PTPN12: variants seen among roughly 807,000 people sequenced by gnomAD.
The protein encoded by PTPN12 is tyrosine-protein phosphatase non-receptor type 12.
A neutral mutation model predicts 97.6 loss-of-function variants in PTPN12; 29 were observed. The observed-to-expected ratio is 0.30, with a 90% CI of 0.22 to 0.41. PTPN12 has a LOEUF of 0.41. PTPN12 is among the 10% of genes least tolerant of loss of function. The pLI, the probability that PTPN12 is intolerant of heterozygous loss-of-function variation, is 1.00. For synonymous variants in PTPN12, 327 were observed against 300.4 expected (o/e 1.09, Z -0.91); for missense variants, 819 against 926.0 (o/e 0.88, Z 1.50).
intron 3 of PTPN12, 146 bp downstream of exon 3, chr7:77,581,649 A>G: frequency 2.2e-6 from 1 of 449,076 alleles, no homozygotes; most frequent in East Asian, 3.6e-5. Context: ...CAATGTTTTT[A>G]TATGCTTTCC....
chr7:77,637,232 T>C (rs1037235895), intron 16 of PTPN12, among the ~76,000 whole-genome samples, 184 bp downstream of exon 16: 1 of 152,218 alleles, frequency 6.6e-6, no homozygotes. Context: ...CACCAGATAG[T>C]AGTATTGATC....
intron 8 of PTPN12, among the ~76,000 whole-genome samples, chr7:77,604,213 T>A (rs1449494076): frequency 4.6e-5 from 5 of 109,488 alleles, no homozygotes; most frequent in Non-Finnish European, 7.5e-5. Flanking sequence ...TTCTTCCTTT[T>A]TTTTTTTTTT....
Position 77,635,775 on chromosome 7 carries a change from T to C in PTPN12, c.2075-7T>C. 6.3e-7 allele frequency: 1 copy of C among 1,579,754 alleles called. No individual in the cohort carries two copies. The highest frequency in any genetic ancestry group is 1.2e-5 in the South Asian group (1 of 85,022). ...TGTTAATAACAATAAGATTTCATTT[T>C]TCTCAGATACACCTGTAAGATCGGA... On this transcript the variant is annotated splice_polypyrimidine_tract_variant and splice_region_variant and intron_variant, in intron 14 of 17. Coordinates refer to ENST00000248594, the MANE Select transcript of PTPN12 (RefSeq NM_002835.4).
intron 12 of PTPN12, among the ~76,000 whole-genome samples, chr7:77,622,737 C>G (rs1362709759): frequency 6.6e-6 from 1 of 151,376 alleles, no homozygotes; most frequent in African/African-American, 2.4e-5. Flanking sequence ...CGCCACTGCT[C>G]TCCAGCCTGG....
chr7:77,629,933 C>G (rs1420706318), intron 13 of PTPN12, among the ~76,000 whole-genome samples: 2 of 134,258 alleles, frequency 1.5e-5, no homozygotes, highest in African/African-American at 5.7e-5. Context: ...GAGGGAGACC[C>G]TGTCTCAAAA....
Position 77,618,666 on chromosome 7 carries a change from CT to C in PTPN12, c.1025+105del, listed in dbSNP as rs148862765. On this transcript the variant is annotated intron_variant, in intron 12 of 17. Coordinates refer to ENST00000248594, the MANE Select transcript of PTPN12 (RefSeq NM_002835.4). ...GAATATTTCTAAATTACTTTTATAA[CT>C]TTTATTATTATTTTGTTAGGATGTA... 3,532 of 784,040 alleles carry C rather than the reference CT, an allele frequency of 4.5e-3. 89 individuals are homozygous for C. The African/African-American group carries it at 0.057, about 13-fold the overall frequency. 48.6% of individuals were successfully genotyped at this position (784,040 alleles called of 1,614,324 possible).
At chr7:77,591,942 T>G (rs1467387087) in intron 5 of PTPN12, among the ~76,000 whole-genome samples, 1 of 152,174 alleles carries the variant, frequency 6.6e-6, no homozygotes, top group Non-Finnish European at 1.5e-5. Flanking sequence ...ACCTGGCAGA[T>G]AGCAATGAAC....
intron 15 of PTPN12, among the ~76,000 whole-genome samples, chr7:77,636,442 CG>C (rs1397948836): frequency 6.6e-6 from 1 of 151,826 alleles, no homozygotes; most frequent in Non-Finnish European, 1.5e-5. Context: ...ATTAGCCAGG[CG>C]TGGTGGCGCA....
rs147719970 is a variant in PTPN12 at position 77,629,008 on chromosome 7, G to C, written c.1996+1333G>C. 8.8e-3 allele frequency among the ~76,000 whole-genome samples: 1,343 copies of C among 152,264 alleles called. 6 individuals carry two copies. The highest frequency in any genetic ancestry group is 0.013 in the Non-Finnish European group (870 of 68,026). On this transcript the variant is annotated intron_variant, in intron 13 of 17. Coordinates refer to ENST00000248594, the MANE Select transcript of PTPN12 (RefSeq NM_002835.4). ...CTTGTTGCCCAGGCTGAAGTGCAGT[G>C]GCGCAATCTTGGCTCACTGCAACCT...
At chr7:77,594,830 C>T (rs1336076923) in intron 6 of PTPN12, among the ~76,000 whole-genome samples, 1 of 152,146 alleles carries the variant, frequency 6.6e-6, no homozygotes, top group Non-Finnish European at 1.5e-5. Flanking sequence ...AATAAGATAA[C>T]TATAGTGAAT....
intron 5 of PTPN12, among the ~76,000 whole-genome samples, 159 bp from the exon 6 acceptor site, chr7:77,592,026 A>G (rs898263727): frequency 2.0e-5 from 3 of 152,174 alleles, no homozygotes; most frequent in African/African-American, 4.8e-5. Context: ...TTTTAAAACA[A>G]CTGGGTAAAT....
chr7:77,554,702 G>A (rs1807624685), intron 1 of PTPN12, among the ~76,000 whole-genome samples: 1 of 152,150 alleles, frequency 6.6e-6, no homozygotes, highest in Admixed American at 6.5e-5. Context: ...GGGGGACAGG[G>A]TCTTGCTCTG....
At chr7:77,556,579 G>A (rs1807722196) in intron 1 of PTPN12, among the ~76,000 whole-genome samples, 1 of 152,112 alleles carries the variant, frequency 6.6e-6, no homozygotes, top group Admixed American at 6.5e-5. Flanking sequence ...GCCAGGCACA[G>A]TGGCTCACAC....
chr7:77,549,428 A>G (rs993019088), intron 1 of PTPN12, among the ~76,000 whole-genome samples: 10 of 152,174 alleles, frequency 6.6e-5, no homozygotes, highest in African/African-American at 2.4e-4. Flanking sequence ...ACATCAGGCA[A>G]AATTTTAAGG....
At chr7:77,606,077 C>T (rs1278637527) in intron 8 of PTPN12, among the ~76,000 whole-genome samples, 1 of 151,250 alleles carries the variant, frequency 6.6e-6, no homozygotes, top group Non-Finnish European at 1.5e-5. Context: ...GCCTCAGCCT[C>T]CTGAATAGCT....
At chr7:77,582,748 C>T (rs191319334) in intron 3 of PTPN12, among the ~76,000 whole-genome samples, 11 of 147,996 alleles carry the variant, frequency 7.4e-5, no homozygotes, top group African/African-American at 2.3e-4. Flanking sequence ...CGTGCCAATG[C>T]ACTCCAGTCT....
chr7:77,627,447 C>G lies in PTPN12; in HGVS notation c.1768C>G (p.Leu590Val), dbSNP rs1176306063. 6.2e-7 allele frequency: 1 copy of G among 1,614,066 alleles called. No homozygotes were observed. Among genetic ancestry groups the G allele is most frequent in the South Asian group, 1.1e-5 (1 of 91,082 alleles). ...DLVDHDNTSPLFRTPLSFTNP... is the reference protein window; with the variant it reads ...DLVDHDNTSPVFRTPLSFTNP... ...TGTGGATCATGATAACACTTCACCACTCTTCAGAACACCCCTCAGTTTTAC... is the reference window on the plus strand; with the variant it reads ...TGTGGATCATGATAACACTTCACCAGTCTTCAGAACACCCCTCAGTTTTAC... The change falls in exon 13 of 18, where the codon CTC becomes GTC. Residue 590 changes from leucine (L) to valine (V), a missense_variant. Leu to Val is a conservative substitution (Grantham distance 32). Transcript: ENST00000248594.
At chr7:77,548,513 G>A (rs1195976077) in intron 1 of PTPN12, among the ~76,000 whole-genome samples, 2 of 152,204 alleles carry the variant, frequency 1.3e-5, no homozygotes, top group Non-Finnish European at 2.9e-5. Context: ...AAATTAAGGA[G>A]CTTGTTACAG....
chr7:77,613,331 T>A (rs1788638657), intron 11 of PTPN12, among the ~76,000 whole-genome samples: 1 of 150,842 alleles, frequency 6.6e-6, no homozygotes. Context: ...CCCACCACCA[T>A]GCTCAGCTAA....
Sources: allele counts gnomAD v4.1 joint callset (sites outside exome capture counted in the v4.1 genomes callset), GRCh38; gene constraint gnomAD v4.1.1; transcripts MANE v1.5; gene names NCBI Gene and HGNC (gene_info 2026-07-23, HGNC 2026-07-21).